Variants in PRKN observed in about 807,000 individuals in gnomAD.
PRKN encodes parkin RBR E3 ubiquitin protein ligase.
Under a neutral mutation model 59.5 loss-of-function variants are expected in PRKN, and 56 were observed. That is an observed-to-expected ratio of 0.94 (90% confidence interval 0.76 to 1.18). The LOEUF (loss-of-function observed/expected upper bound fraction) is 1.18. Among genes scored for constraint, PRKN ranks in the 50% most tolerant of loss-of-function variants. PRKN has a pLI of 0.00. For missense variants in PRKN, 657 were observed against 596.4 expected (o/e 1.10, Z -1.06); for synonymous variants, 250 against 222.1 (o/e 1.13, Z -1.12).
At chr6:161,513,386 G>A (rs1464845838) in intron 9 of PRKN, among the ~76,000 whole-genome samples, 1 of 152,048 alleles carries the variant, frequency 6.6e-6, no homozygotes, top group Non-Finnish European at 1.5e-5. Flanking sequence ...GACTACAGGT[G>A]CATGCCACCA....
chr6:162,119,176 A>G (rs1016986455), intron 4 of PRKN, among the ~76,000 whole-genome samples: 1 of 152,216 alleles, frequency 6.6e-6, no homozygotes, highest in Non-Finnish European at 1.5e-5. Context: ...TTAGAAAGGA[A>G]GTGAAGATAC....
rs116433535 is a variant in PRKN at position 162,145,103 on chromosome 6, C to T, written c.534+56028G>A. ...CCTGTAGTCAAGGTATTCACTTCAA[C>T]GCAATTTATTACGGAAATTGAACTC... On this transcript the variant is annotated intron_variant, in intron 4 of 11. Coordinates refer to ENST00000366898, the MANE Select transcript of PRKN (RefSeq NM_004562.3). 4.6e-3 allele frequency among the ~76,000 whole-genome samples: 696 copies of T among 152,188 alleles called. 6 individuals are homozygous for T. Among genetic ancestry groups the T allele is most frequent in the African/African-American group, 0.015 (628 of 41,510 alleles).
In PRKN at chr6:161,584,735, T is replaced by C. The variant is rs1019300573; in HGVS notation, c.872-15319A>G. Among the ~76,000 whole-genome samples the C allele has an allele frequency of 3.0e-4, 45 of 152,214 alleles. No homozygotes were observed. The highest frequency in any genetic ancestry group is 1.1e-3 in the African/African-American group (44 of 41,462). On this transcript the variant is annotated intron_variant, in intron 7 of 11. Transcript: ENST00000366898. The surrounding 1 kb of genome is among the most constrained non-coding windows in gnomAD (Gnocchi z 4.8). ...CCTACATCCAGCTTCATTTAGGATA[T>C]TGCTTCTCAGAAGACATCCCGAACA...
intron 2 of PRKN, among the ~76,000 whole-genome samples, chr6:162,329,032 T>C (rs1334089676): frequency 6.6e-6 from 1 of 152,202 alleles, no homozygotes; most frequent in African/African-American, 2.4e-5. Flanking sequence ...CCCTCATTTA[T>C]ATATATAAGT....
chr6:162,597,863 C>G (rs1316980729), intron 1 of PRKN, among the ~76,000 whole-genome samples: 1 of 152,104 alleles, frequency 6.6e-6, no homozygotes. Flanking sequence ...AAATAACCTG[C>G]AATAGAATTC....
At chr6:162,422,757 C>A (rs1413083528) in intron 2 of PRKN, among the ~76,000 whole-genome samples, 2 of 152,042 alleles carry the variant, frequency 1.3e-5, no homozygotes, top group Admixed American at 6.6e-5. Flanking sequence ...CCAGCCCAGG[C>A]AACATGGTGA....
At chr6:162,395,776 G>T (rs1334147958) in intron 2 of PRKN, among the ~76,000 whole-genome samples, 1 of 152,158 alleles carries the variant, frequency 6.6e-6, no homozygotes, top group African/African-American at 2.4e-5. Flanking sequence ...GAATTTCAAG[G>T]TGCATATGCT....
intron 1 of PRKN, among the ~76,000 whole-genome samples, chr6:162,695,467 A>G (rs1777933767): frequency 6.6e-6 from 1 of 152,230 alleles, no homozygotes; most frequent in African/African-American, 2.4e-5. Flanking sequence ...ATGTCAAGAC[A>G]TGACTTTCTC....
rs557246235 is a variant in PRKN, at chr6:161,638,219, A to G, written c.872-68803T>C. On this transcript the variant is annotated intron_variant, in intron 7 of 11. Transcript: ENST00000366898. ...ACGATCTCAGCTCACTGCAACCTCC[A>G]CCTGCTGGGTTGAAGCCATTCTCGT... Among the ~76,000 whole-genome samples the G allele has an allele frequency of 7.8e-4, 118 of 151,338 alleles. 2 individuals carry two copies. In the South Asian group the frequency reaches 0.024, roughly 31 times the overall value.
chr6:162,028,181 A>G (rs192041128), intron 5 of PRKN, among the ~76,000 whole-genome samples: 27 of 152,322 alleles, frequency 1.8e-4, no homozygotes, highest in Middle Eastern at 3.4e-3. Flanking sequence ...GACGTATTTT[A>G]TCTAAAACAT....
chr6:162,012,553 A>G (rs1454156605), intron 5 of PRKN, among the ~76,000 whole-genome samples: 1 of 152,174 alleles, frequency 6.6e-6, no homozygotes, highest in Non-Finnish European at 1.5e-5. Context: ...GAATAAAAAC[A>G]TTCATTTACA....
chr6:162,394,480 C>G (rs528898855), intron 2 of PRKN, among the ~76,000 whole-genome samples: 1 of 152,276 alleles, frequency 6.6e-6, no homozygotes, highest in African/African-American at 2.4e-5. Flanking sequence ...ACAAGATAGT[C>G]TGTGTGGCTG....
intron 4 of PRKN, among the ~76,000 whole-genome samples, chr6:162,193,744 C>T (rs1274872349): frequency 6.6e-6 from 1 of 152,142 alleles, no homozygotes; most frequent in Non-Finnish European, 1.5e-5. Flanking sequence ...ATCGTTTACT[C>T]AAAAGTTCTA....
rs57131516 is a variant in PRKN, at chr6:161,786,006, G to A, written c.735-98C>T. The A allele has an allele frequency of 9.0e-6, 11 of 1,220,936 alleles. No individual in the cohort carries two copies. The East Asian group carries it at 9.9e-5, about 11-fold the overall frequency. The allele number at this position is 1,220,936 out of a possible 1,614,324, so 75.6% of individuals were successfully genotyped here. A position where few individuals can be genotyped will look rare whatever the true frequency, so the allele number is the denominator to read the frequency against. On this transcript the variant is annotated intron_variant, in intron 6 of 11. Transcript: ENST00000366898. ...TTCTGTAATCCTGGAGGGTTGTGTAGACTGTGCTCTGTGCAAAGACCGGAG... is the reference window on the plus strand; with the variant it reads ...TTCTGTAATCCTGGAGGGTTGTGTAAACTGTGCTCTGTGCAAAGACCGGAG...
chr6:162,057,438 AT>A (rs143866089), intron 4 of PRKN, among the ~76,000 whole-genome samples: 2,531 of 152,338 alleles, frequency 0.017, 58 homozygotes, highest in African/African-American at 0.058. Context: ...AGCTGTTTTT[AT>A]TAGAAGGTTG....
At position 162,607,221 on chromosome 6, in the gene PRKN, C is replaced by T. The variant is rs186219013; in HGVS notation, c.7+120441G>A. Among the ~76,000 whole-genome samples, 106 of 152,134 alleles carry T rather than the reference C, an allele frequency of 7.0e-4. No individual in the cohort carries two copies. The East Asian group carries it at 9.9e-3, about 14-fold the overall frequency. ...ATTTGGATACTGCTAGTTATGAATG[C>T]CATGGACATAAATGACATTGGTGAG... On this transcript the variant is annotated intron_variant, in intron 1 of 11. Coordinates refer to ENST00000366898, the MANE Select transcript of PRKN (RefSeq NM_004562.3).
chr6:161,471,994 A>T lies in PRKN; in HGVS notation c.1083+76860T>A, dbSNP rs1045639507. ...AAAATACTGAAGCCTATGAAGAAGA[A>T]GTTCTCTCTCATTTGAAAAATTTTT... On this transcript the variant is annotated intron_variant, in intron 9 of 11. Coordinates refer to ENST00000366898, the MANE Select transcript of PRKN (RefSeq NM_004562.3). The surrounding 1 kb of genome is among the most constrained non-coding windows in gnomAD (Gnocchi z 4.5). Among the ~76,000 whole-genome samples the T allele has an allele frequency of 6.6e-6, 1 of 152,150 alleles. No homozygotes were observed. Among genetic ancestry groups the T allele is most frequent in the Non-Finnish European group, 1.5e-5 (1 of 68,036 alleles).
At chr6:162,598,853 CAAAAAA>C (rs35219327) in intron 1 of PRKN, among the ~76,000 whole-genome samples, 1 of 106,906 alleles carries the variant, frequency 9.4e-6, no homozygotes. Flanking sequence ...ATTCTGTCAC[CAAAAAA>C]AAAAAAAAAA....
rs539833864 is a variant in PRKN at position 162,706,229 on chromosome 6, A to T, written c.7+21433T>A. On this transcript the variant is annotated intron_variant, in intron 1 of 11. Transcript: ENST00000366898. ...ATGAATTAAAGAGGCAAATGAAGGAACTCTTTTCCTCTATTAGAAATAGAA... is the reference window on the plus strand; with the variant it reads ...ATGAATTAAAGAGGCAAATGAAGGATCTCTTTTCCTCTATTAGAAATAGAA... Among the ~76,000 whole-genome samples the T allele has an allele frequency of 7.9e-5, 12 of 151,696 alleles. No homozygotes were observed. In the South Asian group the frequency reaches 2.5e-3, roughly 32 times the overall value.
Sources: gnomAD v4.1 joint callset for allele counts (sites outside exome capture counted in the v4.1 genomes callset) on GRCh38, gnomAD v4.1.1 for gene constraint, Gnocchi (gnomAD v3.1) non-coding constraint, MANE v1.5 for transcripts, NCBI Gene and HGNC (gene_info 2026-07-23, HGNC 2026-07-21) for gene names.